Variants in TTC3 observed in about 807,000 individuals in gnomAD.
The protein encoded by TTC3 is E3 ubiquitin-protein ligase TTC3.
TTC3 carries 180 observed loss-of-function variants against 249.6 expected under a neutral mutation model. That is an observed-to-expected ratio of 0.72 (90% CI 0.64 to 0.82). The LOEUF is 0.82. Among genes scored for constraint, TTC3 ranks in the 40% least tolerant of loss-of-function variants. The pLI is 0.00. For missense variants in TTC3, 2,061 were observed against 2,398.4 expected (o/e 0.86, Z 2.94); for synonymous variants, 717 against 805.0 (o/e 0.89, Z 1.85).
chr21:37,191,534 A>C (rs2835656), intron 40 of TTC3, 110 bp downstream of exon 40: 16 of 629,682 alleles, frequency 2.5e-5, no homozygotes, highest in Non-Finnish European at 4.0e-5. Context: ...ATTATCAATA[A>C]TTTTTTTTGT....
chr21:37,073,741 G>A (rs2070377197), intron 1 of TTC3, among the ~76,000 whole-genome samples: 1 of 152,116 alleles, frequency 6.6e-6, no homozygotes, highest in South Asian at 2.1e-4. Context: ...CTCGCGTGTC[G>A]CCTCGTCGCC....
chr21:37,121,439 C>G (rs1332752587), intron 11 of TTC3: 1 of 158,730 alleles, frequency 6.3e-6, no homozygotes, highest in Non-Finnish European at 1.4e-5. Flanking sequence ...GAGATTGTTA[C>G]TGCCTTCAAA....
chr21:37,089,616 C>T (rs562703107), intron 5 of TTC3, among the ~76,000 whole-genome samples: 5 of 152,208 alleles, frequency 3.3e-5, no homozygotes, highest in East Asian at 1.9e-4. Context: ...CGGATTCAAG[C>T]GATTCTCCTG....
Position 37,196,649 on chromosome 21 carries a change from T to G in TTC3, c.5579+613T>G, listed in dbSNP as rs1000475182. Among the ~76,000 whole-genome samples, 3 of 152,344 alleles carry G rather than the reference T, an allele frequency of 2.0e-5. No individual in the cohort carries two copies. In the South Asian group the frequency reaches 6.2e-4, roughly 32 times the overall value. ...TTTTGATGAGACCAATAGCACTGTC[T>G]AAAACTAGTGTTATAGTATCAATAA... On this transcript the variant is annotated intron_variant, in intron 42 of 45. Transcript: ENST00000355666.
chr21:37,184,948 A>G (rs2083100190), intron 36 of TTC3, among the ~76,000 whole-genome samples: 1 of 152,208 alleles, frequency 6.6e-6, no homozygotes, highest in Non-Finnish European at 1.5e-5. Context: ...AATGACTAGA[A>G]CATAGAGCTC....
At chr21:37,088,346 A>G (rs1773185606) in exon 4 of TTC3, 5 of 1,611,034 alleles carry the variant, frequency 3.1e-6, no homozygotes, top group Admixed American at 3.4e-5. Flanking sequence ...GTGGACGCCA[A>G]GTAAGTTACT....
chr21:37,149,253 A>G (rs955880487), intron 23 of TTC3, among the ~76,000 whole-genome samples: 1 of 152,196 alleles, frequency 6.6e-6, no homozygotes, highest in East Asian at 1.9e-4. Context: ...TATAGAAACT[A>G]TGGACCTTTT....
At chr21:37,159,057 C>A (rs921404418) in intron 28 of TTC3, among the ~76,000 whole-genome samples, 1 of 152,168 alleles carries the variant, frequency 6.6e-6, no homozygotes, top group Admixed American at 6.5e-5. Context: ...GTTTTAATTG[C>A]AGATTAAGTT....
chr21:37,147,740 T>G lies in TTC3; in HGVS notation c.2016+137T>G, dbSNP rs2079102119. On this transcript the variant is annotated intron_variant, in intron 22 of 45. Coordinates refer to ENST00000355666, the Ensembl canonical transcript of TTC3. ...CCACCCCTTTCCCAGGATTTTTTTT[T>G]TTTTTTTGAGATAAGTCTCACTCTG... 1.6e-5 allele frequency: 18 copies of G among 1,131,168 alleles called. No individual in the cohort carries two copies. In the South Asian group the frequency reaches 2.5e-4, roughly 16 times the overall value. 70.1% of individuals were successfully genotyped at this position (1,131,168 alleles called of 1,614,324 possible). A position where few individuals can be genotyped will look rare whatever the true frequency, so the allele number is the denominator to read the frequency against.
Position 37,166,286 on chromosome 21 carries a change from G to T in TTC3, c.4072G>T (p.Glu1358Ter). Residue 1358 changes from glutamate (E) to a stop codon, truncating the protein, a stop_gained, in exon 33 of 46, where the codon GAA becomes TAA. Coordinates refer to ENST00000355666, the Ensembl canonical transcript of TTC3. LOFTEE classifies it high-confidence loss of function. ...TACACCCTTGGCCAGCCTTTCTCCT[G>T]AATATCAGCTACCAAGATCAGTACC... 2 of 1,614,156 alleles carry T rather than the reference G, an allele frequency of 1.2e-6. No homozygotes were observed. Among genetic ancestry groups the T allele is most frequent in the Non-Finnish European group, 1.7e-6 (2 of 1,180,032 alleles).
intron 11 of TTC3, among the ~76,000 whole-genome samples, chr21:37,109,784 C>T (rs1218294936): frequency 3.3e-5 from 5 of 152,208 alleles, no homozygotes; most frequent in African/African-American, 9.6e-5. Context: ...CCCTGACCCC[C>T]GAGTAGCCTA....
chr21:37,122,516 C>G lies in TTC3; in HGVS notation c.1064-467C>G, dbSNP rs541447079. 1.4e-3 allele frequency among the ~76,000 whole-genome samples: 215 copies of G among 150,098 alleles called. 2 individuals are homozygous for G. The highest frequency in any genetic ancestry group is 4.8e-3 in the African/African-American group (197 of 40,764). On this transcript the variant is annotated intron_variant, in intron 12 of 45. Transcript: ENST00000355666. ...GCTAGGAGTTGTAGATTTTCATTCTCTCCTTGTTTTCTCTCCTAAGTCTTT... is the reference window on the plus strand; with the variant it reads ...GCTAGGAGTTGTAGATTTTCATTCTGTCCTTGTTTTCTCTCCTAAGTCTTT...
At chr21:37,200,286 G>A (rs200071342) in exon 45 of TTC3, 46 of 1,614,078 alleles carry the variant, frequency 2.8e-5, no homozygotes, top group East Asian at 2.0e-4. Context: ...ATCAAAAAAC[G>A]TGCGTGTGCT....
chr21:37,147,422 A>G (rs1287460204), intron 21 of TTC3, 59 bp from the exon 22 acceptor site: 5 of 1,462,146 alleles, frequency 3.4e-6, no homozygotes, highest in African/African-American at 1.5e-5. Context: ...TGAAATCACA[A>G]GCATTTTTAT....
chr21:37,154,920 C>T (rs2079866772), intron 27 of TTC3, among the ~76,000 whole-genome samples: 1 of 152,166 alleles, frequency 6.6e-6, no homozygotes, highest in Admixed American at 6.5e-5. Flanking sequence ...TGGTCTTGAT[C>T]TCCTGACCTC....
At chr21:37,089,321 T>C (rs747198375) in intron 5 of TTC3, among the ~76,000 whole-genome samples, 1 of 152,134 alleles carries the variant, frequency 6.6e-6, no homozygotes, top group Non-Finnish European at 1.5e-5. Context: ...GTTGAGAGTT[T>C]TTGTGGTTTT....
At chr21:37,191,371 C>T (rs763426367) in exon 40 of TTC3, 13 of 1,589,256 alleles carry the variant, frequency 8.2e-6, no homozygotes, top group East Asian at 4.6e-5. Flanking sequence ...GTCTGATATA[C>T]GTTCATGGGA....
intron 37 of TTC3, among the ~76,000 whole-genome samples, chr21:37,186,249 A>T (rs2083259448): frequency 6.6e-6 from 1 of 152,210 alleles, no homozygotes; most frequent in African/African-American, 2.4e-5. Context: ...ACTGCTAACC[A>T]GTACATTCAG....
Position 37,187,163 on chromosome 21 carries a change from A to G in TTC3, c.4923+18A>G. 1 of 1,521,494 alleles carries G rather than the reference A, an allele frequency of 6.6e-7. No homozygotes were observed. The highest frequency in any genetic ancestry group is 8.9e-7 in the Non-Finnish European group (1 of 1,122,080). The allele number at this position is 1,521,494 out of a possible 1,614,324, so 94.2% of individuals were successfully genotyped here. On this transcript the variant is annotated intron_variant, in intron 38 of 45. Transcript: ENST00000355666. ...CTGCAGAGGTGAGTCCATGACACTT[A>G]GTGACCACTATGGCATTTGTCATTT... is the stretch of plus-strand genomic sequence containing the variant.
Sources: allele counts gnomAD v4.1 joint callset (sites outside exome capture counted in the v4.1 genomes callset), GRCh38; gene constraint gnomAD v4.1.1; transcripts MANE v1.5; gene names NCBI Gene and HGNC (gene_info 2026-07-23, HGNC 2026-07-21).